PDSS2: variants seen among roughly 807,000 people sequenced by gnomAD.
PDSS2 encodes the protein all trans-polyprenyl-diphosphate synthase PDSS2.
A neutral mutation model predicts 44.5 loss-of-function variants in PDSS2; 31 were observed. The ratio of observed to expected loss-of-function variants is 0.70; its 90% CI spans 0.52 to 0.94. The LOEUF is 0.94. Ranked by LOEUF, PDSS2 falls within the 40% of genes least tolerant of loss-of-function variation. The pLI, the probability that PDSS2 is intolerant of heterozygous loss-of-function variation, is 0.00. For missense variants in PDSS2, 452 were observed against 482.2 expected (o/e 0.94, Z 0.59); for synonymous variants, 157 against 180.3 (o/e 0.87, Z 1.03).
chr6:107,293,827 T>C (rs993673294), intron 2 of PDSS2, among the ~76,000 whole-genome samples: 4 of 152,094 alleles, frequency 2.6e-5, no homozygotes, highest in African/African-American at 9.7e-5. Flanking sequence ...AAAAGATGTG[T>C]GATAGCAGAT....
intron 1 of PDSS2, among the ~76,000 whole-genome samples, chr6:107,338,784 A>T (rs1777988176): frequency 6.6e-6 from 1 of 152,240 alleles, no homozygotes; most frequent in Non-Finnish European, 1.5e-5. Flanking sequence ...GCAGGAACAC[A>T]GTACGTAAAG....
intron 1 of PDSS2, among the ~76,000 whole-genome samples, chr6:107,410,790 T>C (rs953950217): frequency 1.3e-5 from 2 of 152,044 alleles, no homozygotes; most frequent in African/African-American, 4.8e-5. Flanking sequence ...CACTAATGCC[T>C]GGGCATCTAC....
intron 5 of PDSS2, among the ~76,000 whole-genome samples, chr6:107,211,628 G>A (rs900404373): frequency 1.3e-5 from 2 of 151,810 alleles, no homozygotes; most frequent in Non-Finnish European, 2.9e-5. Context: ...TACTCAGGAG[G>A]CTGAGGCAGG....
intron 4 of PDSS2, chr6:107,229,633 AAC>A (rs1773969312): frequency 1.3e-5 from 2 of 152,134 alleles, no homozygotes; most frequent in South Asian, 4.1e-4. Flanking sequence ...TTTTTATGGC[AAC>A]AGTCTCAAAG....
intron 6 of PDSS2, among the ~76,000 whole-genome samples, chr6:107,201,374 A>G (rs999860670): frequency 6.9e-6 from 1 of 144,242 alleles, no homozygotes; most frequent in Non-Finnish European, 1.5e-5. Flanking sequence ...CTGTAAAACA[A>G]TATTCCATAC....
chr6:107,290,421 T>C (rs1460622538), intron 2 of PDSS2, among the ~76,000 whole-genome samples: 1 of 152,112 alleles, frequency 6.6e-6, no homozygotes, highest in East Asian at 1.9e-4. Context: ...CCAGGTCCGT[T>C]GCTCTTCTGC....
chr6:107,426,997 T>C (rs1378565783), intron 1 of PDSS2, among the ~76,000 whole-genome samples: 1 of 152,118 alleles, frequency 6.6e-6, no homozygotes, highest in Non-Finnish European at 1.5e-5. Flanking sequence ...TGGAAAGGCA[T>C]AATTGGTTTT....
chr6:107,400,810 G>GA (rs1780083789), intron 1 of PDSS2, among the ~76,000 whole-genome samples: 1 of 152,178 alleles, frequency 6.6e-6, no homozygotes, highest in African/African-American at 2.4e-5. Flanking sequence ...CCTGAGCACA[G>GA]ACTTGCCTGG....
At chr6:107,196,156 T>C (rs1772556070) in intron 6 of PDSS2, among the ~76,000 whole-genome samples, 1 of 152,236 alleles carries the variant, frequency 6.6e-6, no homozygotes, top group Admixed American at 6.5e-5. Context: ...TTAGTCTCTA[T>C]GCTTAGATAT....
chr6:107,434,436 G>A (rs1369401112), intron 1 of PDSS2, among the ~76,000 whole-genome samples: 1 of 152,150 alleles, frequency 6.6e-6, no homozygotes. Flanking sequence ...AAAATAAAAT[G>A]AGATCCTGTC....
At chr6:107,404,951 T>C (rs1374350047) in intron 1 of PDSS2, among the ~76,000 whole-genome samples, 3 of 152,118 alleles carry the variant, frequency 2.0e-5, no homozygotes, top group Admixed American at 2.0e-4. Context: ...GCAAATACAT[T>C]GCAAGAAGGA....
intron 2 of PDSS2, among the ~76,000 whole-genome samples, chr6:107,292,178 AG>A (rs1776370315): frequency 6.6e-6 from 1 of 152,074 alleles, no homozygotes; most frequent in Non-Finnish European, 1.5e-5. Context: ...CCAAAAGTGA[AG>A]AAAAACAAAT....
rs59471847 is a variant in PDSS2, at chr6:107,284,662, C to CAA, written c.432-10437_432-10436dup. On this transcript the variant is annotated intron_variant, in intron 2 of 7. Transcript: ENST00000369037. Reference sequence around the variant, plus strand: ...GAGGACAAGAGAAAGACTTCGTCTCCAAAAAAAAAAAAAAAGAGTTGTTAA... The same window carrying CAA: ...GAGGACAAGAGAAAGACTTCGTCTCCAAAAAAAAAAAAAAAAAGAGTTGTTAA... 2.5e-3 allele frequency among the ~76,000 whole-genome samples: 334 copies of CAA among 134,274 alleles called. 3 individuals are homozygous for CAA. In the East Asian group the frequency reaches 0.028, roughly 11 times the overall value. 88.1% of individuals were successfully genotyped at this position (134,274 alleles called of 152,430 possible).
intron 1 of PDSS2, among the ~76,000 whole-genome samples, chr6:107,432,714 T>C (rs1160709234): frequency 6.6e-6 from 1 of 152,104 alleles, no homozygotes; most frequent in Admixed American, 6.6e-5. Context: ...GCCAAGATTG[T>C]GTCATTGCAC....
intron 1 of PDSS2, among the ~76,000 whole-genome samples, chr6:107,399,025 C>A (rs148195780): frequency 2.1e-3 from 315 of 152,300 alleles, no homozygotes; most frequent in African/African-American, 7.3e-3. Context: ...GGGAAGAAAT[C>A]TTTTAATCCA....
intron 4 of PDSS2, chr6:107,229,773 T>C (rs1448652095): frequency 6.6e-6 from 1 of 152,262 alleles, no homozygotes; most frequent in Admixed American, 6.5e-5. Context: ...CTATGGTAAC[T>C]ATCTGGTCCA....
chr6:107,248,703 C>T (rs953202588), intron 3 of PDSS2, among the ~76,000 whole-genome samples: 3 of 152,124 alleles, frequency 2.0e-5, no homozygotes, highest in African/African-American at 7.2e-5. Context: ...AGGCCTCTTC[C>T]AGCCCTATAA....
At chr6:107,263,434 C>T (rs1378487597) in intron 3 of PDSS2, among the ~76,000 whole-genome samples, 1 of 148,398 alleles carries the variant, frequency 6.7e-6, no homozygotes, top group African/African-American at 2.5e-5. Context: ...GCCTGGGTGA[C>T]AGAGCAAGAC....
intron 3 of PDSS2, among the ~76,000 whole-genome samples, chr6:107,255,091 G>C (rs1437218743): frequency 6.6e-6 from 1 of 151,106 alleles, no homozygotes; most frequent in Non-Finnish European, 1.5e-5. Flanking sequence ...GGCTGGTCTC[G>C]AACTCCTGAC....
Sources: gnomAD v4.1 joint callset for allele counts (sites outside exome capture counted in the v4.1 genomes callset) on GRCh38, gnomAD v4.1.1 for gene constraint, MANE v1.5 for transcripts, NCBI Gene and HGNC (gene_info 2026-07-23, HGNC 2026-07-21) for gene names.